Variants in DUSP19 observed in about 807,000 individuals in gnomAD.
DUSP19 encodes the protein dual specificity phosphatase 19, also known as dual specificity protein phosphatase 19.
DUSP19 carries 14 observed loss-of-function variants against 16.6 expected under a neutral mutation model. The ratio of observed to expected loss-of-function variants is 0.84; its 90% CI spans 0.56 to 1.32. The LOEUF is 1.32. Among genes scored for constraint, DUSP19 ranks in the 40% most tolerant of loss-of-function variants. The probability of loss-of-function intolerance (pLI) is 0.00; values close to 1 mark genes in which losing one functional copy is unlikely to be tolerated. For synonymous variants in DUSP19, 81 were observed against 90.5 expected (o/e 0.90, Z 0.59); for missense variants, 258 against 255.9 (o/e 1.01, Z -0.06).
intron 1 of DUSP19, among the ~76,000 whole-genome samples, chr2:183,080,927 G>T (rs1238684297): frequency 6.6e-6 from 1 of 152,202 alleles, no homozygotes; most frequent in Non-Finnish European, 1.5e-5. Context: ...AATGTTGAAA[G>T]AGTTGTTTCT....
chr2:183,082,209 T>A (rs937991661), intron 1 of DUSP19, among the ~76,000 whole-genome samples: 1 of 152,142 alleles, frequency 6.6e-6, no homozygotes, highest in Non-Finnish European at 1.5e-5. Context: ...TATCCTTTTT[T>A]AAGTTACAAA....
chr2:183,084,155 G>T (rs1459856862), intron 2 of DUSP19, among the ~76,000 whole-genome samples: 2 of 152,094 alleles, frequency 1.3e-5, no homozygotes, highest in Non-Finnish European at 2.9e-5. Flanking sequence ...GGAAGTGCAG[G>T]GTGCTGTAGA....
intron 3 of DUSP19, among the ~76,000 whole-genome samples, chr2:183,088,623 G>A (rs1284314675): frequency 2.0e-5 from 3 of 151,966 alleles, no homozygotes; most frequent in African/African-American, 4.8e-5. Flanking sequence ...GGGTTTCACC[G>A]TGTTGCCCAG....
rs1699824595 is a variant in DUSP19 at position 183,097,902 on chromosome 2, ATTAT to A, written c.*2247_*2250del. ...GAGTTTTGCTCTTAATGATATTATTATTATTTGAGACAGAGTTTTGCTCTTATTG... is the reference window on the plus strand; with the variant it reads ...GAGTTTTGCTCTTAATGATATTATTATTGAGACAGAGTTTTGCTCTTATTG... On this transcript the variant is annotated 3_prime_UTR_variant, in exon 4 of 4. Coordinates refer to ENST00000354221, the MANE Select transcript of DUSP19 (RefSeq NM_080876.4). 6.6e-6 allele frequency: 1 copy of A among 151,942 alleles called. No homozygotes were observed. Among genetic ancestry groups the A allele is most frequent in the Admixed American group, 6.6e-5 (1 of 15,234 alleles). The allele number at this position is 151,942 out of a possible 1,614,324, so 9.4% of individuals were successfully genotyped here.
At chr2:183,095,376 T>A in intron 3 of DUSP19, 55 bp from the exon 4 acceptor site, 2 of 1,446,932 alleles carry the variant, frequency 1.4e-6, no homozygotes, top group South Asian at 2.5e-5. Context: ...GCAATTGATA[T>A]AATAACCTTT....
At chr2:183,085,603 G>A (rs1699649756) in intron 2 of DUSP19, among the ~76,000 whole-genome samples, 1 of 151,884 alleles carries the variant, frequency 6.6e-6, no homozygotes, top group Non-Finnish European at 1.5e-5. Context: ...AAAAAAGAGA[G>A]AGAGGAGCCA....
chr2:183,091,111 T>C (rs1340288979), intron 3 of DUSP19, among the ~76,000 whole-genome samples: 1 of 152,176 alleles, frequency 6.6e-6, no homozygotes, highest in Non-Finnish European at 1.5e-5. Flanking sequence ...ATTCTGGTAG[T>C]TGGTGATTCT....
rs144587429 is a variant in DUSP19 at position 183,097,435 on chromosome 2, A to G, written c.*1777A>G. On this transcript the variant is annotated 3_prime_UTR_variant, in exon 4 of 4. Transcript: ENST00000354221. The stretch of plus-strand genomic sequence containing the variant: ...TAAATATACATTATAAAGAGCAAGC[A>G]TAGATGGAAAGTGCATATTGAACAC... 7.2e-4 allele frequency: 110 copies of G among 152,386 alleles called. No individual in the cohort carries two copies. Among genetic ancestry groups the G allele is most frequent in the African/African-American group, 2.6e-3 (109 of 41,592 alleles). 9.4% of individuals were successfully genotyped at this position (152,386 alleles called of 1,614,324 possible). A position where few individuals can be genotyped will look rare whatever the true frequency, so the allele number is the denominator to read the frequency against.
At chr2:183,079,621 A>G (rs16823970) in intron 1 of DUSP19, among the ~76,000 whole-genome samples, 19,054 of 152,236 alleles carry the variant, frequency 0.13, 2,076 homozygotes, top group African/African-American at 0.3. Context: ...TGCGGAATAC[A>G]TGCCTCCTGT....
At chr2:183,085,625 G>A (rs1699650016) in intron 2 of DUSP19, among the ~76,000 whole-genome samples, 1 of 151,908 alleles carries the variant, frequency 6.6e-6, no homozygotes, top group Non-Finnish European at 1.5e-5. Flanking sequence ...AGGTGAGGAG[G>A]GGGAGGGGAG....
At chr2:183,092,923 C>T (rs1028667985) in intron 3 of DUSP19, among the ~76,000 whole-genome samples, 2 of 151,878 alleles carry the variant, frequency 1.3e-5, no homozygotes, top group Non-Finnish European at 2.9e-5. Context: ...AGGCTGGTCT[C>T]GGACTCCTGA....
intron 3 of DUSP19, among the ~76,000 whole-genome samples, chr2:183,094,567 A>G (rs143796438): frequency 2.6e-5 from 4 of 152,256 alleles, no homozygotes; most frequent in Non-Finnish European, 5.9e-5. Flanking sequence ...TATTAATACA[A>G]TATTGCCCCC....
chr2:183,088,706 A>AGCCACTG (rs1050107857), intron 3 of DUSP19, among the ~76,000 whole-genome samples: 1 of 152,132 alleles, frequency 6.6e-6, no homozygotes, highest in African/African-American at 2.4e-5. Flanking sequence ...TACAGGCATG[A>AGCCACTG]GCCACTGCAC....
rs1699792049 is a variant in DUSP19 at position 183,095,706 on chromosome 2, C to G, written c.*48C>G. The G allele has an allele frequency of 6.9e-7, 1 of 1,438,878 alleles. No homozygotes were observed. The highest frequency in any genetic ancestry group is 1.4e-5 in the African/African-American group (1 of 70,216). 89.1% of individuals were successfully genotyped at this position (1,438,878 alleles called of 1,614,324 possible). ...ACAACTGTAGTTTCTGAATTGACTT[C>G]TATAGCCATCTTTTCCCTTTTTTGG... On this transcript the variant is annotated 3_prime_UTR_variant, in exon 4 of 4. Coordinates refer to ENST00000354221, the MANE Select transcript of DUSP19 (RefSeq NM_080876.4).
rs1166081169 is a variant in DUSP19 at position 183,098,226 on chromosome 2, A to G, written c.*2568A>G. 5 of 152,150 alleles carry G rather than the reference A, an allele frequency of 3.3e-5. No homozygotes were observed. The highest frequency in any genetic ancestry group is 4.8e-5 in the African/African-American group (2 of 41,438). 9.4% of individuals were successfully genotyped at this position (152,150 alleles called of 1,614,324 possible). ...TGTATTATTTATGTCTGTAGTTTAT[A>G]TGCTTAGTTGTTGCCTATAGTGATC... On this transcript the variant is annotated 3_prime_UTR_variant, in exon 4 of 4. Coordinates refer to ENST00000354221, the MANE Select transcript of DUSP19 (RefSeq NM_080876.4).
Position 183,085,583 on chromosome 2 carries a change from A to G in DUSP19, c.274-1457A>G, listed in dbSNP as rs1361261905. On this transcript the variant is annotated intron_variant, in intron 2 of 3. Coordinates refer to ENST00000354221, the MANE Select transcript of DUSP19 (RefSeq NM_080876.4). ...ATTGAGAAGTGAGGAAGTGATGGCA[A>G]AGGGAAAAAAAAAAAGAGAGAGAGG... 3.3e-5 allele frequency among the ~76,000 whole-genome samples: 5 copies of G among 152,020 alleles called. No individual in the cohort carries two copies. The East Asian group carries it at 7.7e-4, about 23-fold the overall frequency.
chr2:183,088,902 T>G (rs536867996), intron 3 of DUSP19, among the ~76,000 whole-genome samples: 1 of 152,336 alleles, frequency 6.6e-6, no homozygotes, highest in South Asian at 2.1e-4. Context: ...GATGGCAAAG[T>G]ATAGATATCA....
rs1292943253 is a variant in DUSP19, at chr2:183,096,409, G to A, written c.*751G>A. ...CTGCCACCATGCCCAGCTAATTTTT[G>A]TGTTTTTAGTAGAGATGGAGTCTCA... is the stretch of plus-strand genomic sequence containing the variant. On this transcript the variant is annotated 3_prime_UTR_variant, in exon 4 of 4. Transcript: ENST00000354221. 6.6e-6 allele frequency: 1 copy of A among 151,740 alleles called. No homozygotes were observed. Among genetic ancestry groups the A allele is most frequent in the Non-Finnish European group, 1.5e-5 (1 of 67,978 alleles). 9.4% of individuals were successfully genotyped at this position (151,740 alleles called of 1,614,324 possible).
chr2:183,095,437 G>A lies in DUSP19; in HGVS notation c.433G>A (p.Val145Met), dbSNP rs758067276. The A allele has an allele frequency of 7.5e-6, 12 of 1,599,400 alleles. No homozygotes were observed. In the African/African-American group the frequency reaches 1.5e-4, roughly 20 times the overall value. ...TTTGTTTTTTTTTTTGTAGGATGGA[G>A]TGGTTCTTGTTCATTGTAATGCAGG... is the stretch of plus-strand genomic sequence containing the variant. ...FIEEAKRKDG[V>M]VLVHCNAGVS... Residue 145 changes from valine (V) to methionine (M), a missense_variant, in exon 4 of 4, where the codon GTG becomes ATG. Coordinates refer to ENST00000354221, the MANE Select transcript of DUSP19 (RefSeq NM_080876.4).
Sources: allele counts gnomAD v4.1 joint callset (sites outside exome capture counted in the v4.1 genomes callset), GRCh38; gene constraint gnomAD v4.1.1; transcripts MANE v1.5; gene names NCBI Gene and HGNC (gene_info 2026-07-23, HGNC 2026-07-21).